ANKRD33B: variants seen among roughly 807,000 people sequenced by gnomAD.
The protein encoded by ANKRD33B is ankyrin repeat domain-containing protein 33B.
A neutral mutation model predicts 21.5 loss-of-function variants in ANKRD33B; 6 were observed. The ratio of observed to expected loss-of-function variants is 0.28; its 90% CI spans 0.15 to 0.55. ANKRD33B has a LOEUF of 0.55. Among genes scored for constraint, ANKRD33B ranks in the 20% least tolerant of loss-of-function variants. The probability of loss-of-function intolerance (pLI) is 0.94; values close to 1 mark genes in which losing one functional copy is unlikely to be tolerated. For missense variants in ANKRD33B, 698 were observed against 747.2 expected (o/e 0.93, Z 0.77); for synonymous variants, 347 against 342.4 (o/e 1.01, Z -0.15).
intron 1 of ANKRD33B, among the ~76,000 whole-genome samples, chr5:10,594,035 G>C (rs1423184818): frequency 6.6e-6 from 1 of 152,116 alleles, no homozygotes; most frequent in African/African-American, 2.4e-5. Context: ...TGTGGGAGCT[G>C]TCAGCTCACG....
At chr5:10,633,346 G>A (rs939068409) in intron 2 of ANKRD33B, among the ~76,000 whole-genome samples, 5 of 152,038 alleles carry the variant, frequency 3.3e-5, no homozygotes, top group East Asian at 1.9e-4. Flanking sequence ...TGATCCACCC[G>A]CCTCGGCCTC....
In ANKRD33B at chr5:10,564,510, C is replaced by A; in HGVS notation, c.43C>A (p.Arg15Ser). The part of the protein sequence containing the change: ...AGTGPEGGGA[R>S]CMTPPPPSPP... ...GACCGGGCCGGAGGGCGGCGGGGCG[C>A]GCTGCATGACCCCACCACCGCCGTC... The change falls in exon 1 of 4, where the codon CGC (arginine) becomes AGC (serine). Residue 15 changes from arginine (R) to serine (S), a missense_variant. Around this residue, in one of 3 missense-constraint regions of ANKRD33B, gnomAD observed 148 missense variants for 154.9 expected, o/e 0.96. Transcript: ENST00000296657. 6.6e-7 allele frequency: 1 copy of A among 1,523,224 alleles called. No homozygotes were observed. 94.4% of individuals were successfully genotyped at this position (1,523,224 alleles called of 1,614,324 possible).
intron 1 of ANKRD33B, among the ~76,000 whole-genome samples, chr5:10,566,744 C>T (rs377511043): frequency 2.6e-4 from 40 of 152,304 alleles, no homozygotes; most frequent in East Asian, 9.6e-4. Context: ...AGGGGAGGGC[C>T]GTGGTATGGG....
intron 3 of ANKRD33B, among the ~76,000 whole-genome samples, chr5:10,640,387 G>A (rs55868294): frequency 0.42 from 63,739 of 151,990 alleles, 13,645 homozygotes; most frequent in Middle Eastern, 0.56. Context: ...AGGCTAAAAT[G>A]CAACAATACT....
Position 10,579,706 on chromosome 5 carries a change from A to T in ANKRD33B, c.366+14873A>T, listed in dbSNP as rs79348635. Among the ~76,000 whole-genome samples, 1,082 of 148,264 alleles carry T rather than the reference A, an allele frequency of 7.3e-3. 12 individuals carry two copies. The highest frequency in any genetic ancestry group is 0.025 in the African/African-American group (1,017 of 40,670). On this transcript the variant is annotated intron_variant, in intron 1 of 3. Coordinates refer to ENST00000296657, the MANE Select transcript of ANKRD33B (RefSeq NM_001164440.2). ...TAGTCACGGGATGACTAGGAACAGA[A>T]TTTTTTTTTTTTAAAGAAACCTAGT...
At chr5:10,630,757 C>G (rs1266837384) in intron 2 of ANKRD33B, among the ~76,000 whole-genome samples, 2 of 152,000 alleles carry the variant, frequency 1.3e-5, no homozygotes. Context: ...CCTAGAATCC[C>G]AGCACTTTGG....
At chr5:10,648,863 G>T (rs1439375014) in intron 3 of ANKRD33B, among the ~76,000 whole-genome samples, 1 of 152,238 alleles carries the variant, frequency 6.6e-6, no homozygotes, top group East Asian at 1.9e-4. Context: ...GGGCACGGTG[G>T]CTCACGCCCG....
intron 1 of ANKRD33B, among the ~76,000 whole-genome samples, chr5:10,585,289 G>A (rs769499095): frequency 2.4e-4 from 36 of 152,194 alleles, no homozygotes; most frequent in Admixed American, 4.6e-4. Flanking sequence ...TTAGATCAAT[G>A]CCTTTTCAGT....
chr5:10,638,095 G>C lies in ANKRD33B; in HGVS notation c.564G>C (p.Ala188=), dbSNP rs374123692. Residue 188 remains alanine (A), a synonymous_variant, in exon 3 of 4, where the codon GCG becomes GCC. Transcript: ENST00000296657. ...GTCTTGACCTTGAAAGGAGGAACGCGTTCGGGTTCACCGCCCTGATGAAAG... is the reference window on the plus strand; with the variant it reads ...GTCTTGACCTTGAAAGGAGGAACGCCTTCGGGTTCACCGCCCTGATGAAAG... The part of the protein sequence containing the change: ...FPGLDLERRN[A]FGFTALMKAA... The C allele has an allele frequency of 2.0e-6, 3 of 1,537,424 alleles. No homozygotes were observed. In the African/African-American group the frequency reaches 4.1e-5, roughly 21 times the overall value.
chr5:10,628,433 C>T (rs1486297246), intron 2 of ANKRD33B, among the ~76,000 whole-genome samples: 2 of 152,164 alleles, frequency 1.3e-5, no homozygotes, highest in Admixed American at 6.5e-5. Context: ...CCACCCACTT[C>T]GGCCTCCCAA....
At chr5:10,646,153 G>C (rs1737184303) in intron 3 of ANKRD33B, among the ~76,000 whole-genome samples, 1 of 152,182 alleles carries the variant, frequency 6.6e-6, no homozygotes, top group South Asian at 2.1e-4. Context: ...TGTAGACTTA[G>C]AGCACTCAAC....
At chr5:10,594,292 A>T (rs530810893) in intron 1 of ANKRD33B, among the ~76,000 whole-genome samples, 7 of 119,710 alleles carry the variant, frequency 5.8e-5, no homozygotes, top group African/African-American at 2.3e-4. Context: ...TGCAATGCCC[A>T]CCACAACCTC....
chr5:10,593,372 A>G (rs1735740023), intron 1 of ANKRD33B, among the ~76,000 whole-genome samples: 2 of 152,176 alleles, frequency 1.3e-5, no homozygotes, highest in Admixed American at 6.5e-5. Context: ...ACCATCAATG[A>G]ATGTACGACC....
intron 1 of ANKRD33B, among the ~76,000 whole-genome samples, chr5:10,605,964 A>C (rs1461705932): frequency 6.6e-6 from 1 of 152,264 alleles, no homozygotes; most frequent in Admixed American, 6.5e-5. Flanking sequence ...AAGAACATGT[A>C]ATTGTTACTG....
intron 1 of ANKRD33B, among the ~76,000 whole-genome samples, chr5:10,567,025 T>C (rs763335193): frequency 6.6e-6 from 1 of 152,234 alleles, no homozygotes; most frequent in Non-Finnish European, 1.5e-5. Context: ...GCTGCTTTTC[T>C]TCCCCTTTGA....
At chr5:10,633,891 T>C (rs1432533601) in intron 2 of ANKRD33B, among the ~76,000 whole-genome samples, 1 of 152,132 alleles carries the variant, frequency 6.6e-6, no homozygotes, top group East Asian at 1.9e-4. Context: ...TGTTAGCAGA[T>C]TTCTCCACTG....
intron 1 of ANKRD33B, among the ~76,000 whole-genome samples, chr5:10,578,838 A>G (rs1400517721): frequency 3.3e-5 from 5 of 152,158 alleles, no homozygotes; most frequent in African/African-American, 9.7e-5. Flanking sequence ...CAGTGACTCT[A>G]CTAATAATTT....
chr5:10,583,484 A>G (rs1579715934), intron 1 of ANKRD33B, among the ~76,000 whole-genome samples: 1 of 152,198 alleles, frequency 6.6e-6, no homozygotes, highest in South Asian at 2.1e-4. Flanking sequence ...GCCCCTGCCC[A>G]CTGGATGCCA....
chr5:10,596,324 A>C lies in ANKRD33B; in HGVS notation c.367-22009A>C, dbSNP rs145432939. On this transcript the variant is annotated intron_variant, in intron 1 of 3. Transcript: ENST00000296657. ...ATTCTTCCTGATGCTCTCCTGCCTC[A>C]CACCCCCTGATAAGCCCCTGTGTGC... is the stretch of plus-strand genomic sequence containing the variant. 6.1e-3 allele frequency among the ~76,000 whole-genome samples: 922 copies of C among 152,204 alleles called. 7 individuals are homozygous for C. The highest frequency in any genetic ancestry group is 0.021 in the African/African-American group (875 of 41,492).
Sources: allele counts gnomAD v4.1 joint callset (sites outside exome capture counted in the v4.1 genomes callset), GRCh38; gene constraint gnomAD v4.1.1; regional missense constraint gnomAD v4.1.1; transcripts MANE v1.5; gene names NCBI Gene and HGNC (gene_info 2026-07-23, HGNC 2026-07-21).